The following LRRC4C variants were observed in gnomAD, a reference collection of about 807,000 sequenced individuals.
LRRC4C encodes leucine rich repeat containing 4C.
In LRRC4C, 5 loss-of-function variants were observed where a neutral mutation model predicts 33.6. The observed-to-expected ratio is 0.15, with a 90% CI of 0.08 to 0.31. LRRC4C has a LOEUF of 0.31. Among genes scored for constraint, LRRC4C ranks in the 10% least tolerant of loss-of-function variants. The probability of loss-of-function intolerance (pLI) is 1.00; values close to 1 mark genes in which losing one functional copy is unlikely to be tolerated. For synonymous variants in LRRC4C, 329 were observed against 302.0 expected (o/e 1.09, Z -0.93); for missense variants, 560 against 796.7 (o/e 0.70, Z 3.58).
At chr11:40,585,040 C>T (rs1444948653) in intron 3 of LRRC4C, among the ~76,000 whole-genome samples, 3 of 151,270 alleles carry the variant, frequency 2.0e-5, no homozygotes, top group East Asian at 1.9e-4. Context: ...GGTTCTAGAA[C>T]AGAGGAAATA....
At chr11:41,408,332 T>G in intron 1 of LRRC4C, among the ~76,000 whole-genome samples, 1 of 152,210 alleles carries the variant, frequency 6.6e-6, no homozygotes, top group African/African-American at 2.4e-5. Context: ...TTTATCCACT[T>G]AAAACTGGGA....
At chr11:40,583,869 G>A (rs1037409922) in intron 3 of LRRC4C, among the ~76,000 whole-genome samples, 1 of 151,706 alleles carries the variant, frequency 6.6e-6, no homozygotes, top group African/African-American at 2.4e-5. Flanking sequence ...CGCATAAAGA[G>A]AATGAAATGC....
At position 41,102,509 on chromosome 11, in the gene LRRC4C, C is replaced by A. The variant is rs183417317; in HGVS notation, c.-495-168786G>T. The stretch of plus-strand genomic sequence containing the variant: ...ATTCTCTCCAATAAAAACCACAGGA[C>A]CTTCTGGCTAAAATATTACTTTCAT... On this transcript the variant is annotated intron_variant, in intron 1 of 6. Transcript: ENST00000528697. 3.9e-3 allele frequency among the ~76,000 whole-genome samples: 599 copies of A among 152,068 alleles called. 2 individuals are homozygous for A. Among genetic ancestry groups the A allele is most frequent in the Non-Finnish European group, 6.1e-3 (415 of 67,938 alleles).
intron 1 of LRRC4C, among the ~76,000 whole-genome samples, chr11:40,996,981 C>T (rs1193467694): frequency 6.6e-6 from 1 of 152,062 alleles, no homozygotes; most frequent in African/African-American, 2.4e-5. Flanking sequence ...AATATCCAAA[C>T]TATATCACCC....
intron 1 of LRRC4C, among the ~76,000 whole-genome samples, chr11:40,962,552 A>C (rs1851049723): frequency 6.6e-6 from 1 of 151,786 alleles, no homozygotes; most frequent in Non-Finnish European, 1.5e-5. Context: ...GGATAAAATC[A>C]ATAAGGCTGC....
chr11:40,707,482 C>A (rs568410837), intron 2 of LRRC4C, among the ~76,000 whole-genome samples: 2 of 152,156 alleles, frequency 1.3e-5, no homozygotes, highest in South Asian at 2.1e-4. Flanking sequence ...TGGTTTTTGT[C>A]TTTGGTTTTG....
chr11:40,910,499 C>T (rs1329752600), intron 2 of LRRC4C, among the ~76,000 whole-genome samples: 2 of 152,118 alleles, frequency 1.3e-5, no homozygotes, highest in African/African-American at 2.4e-5. Context: ...AGCAAATACG[C>T]CTTTGATGAA....
At chr11:41,366,583 T>C (rs972779136) in intron 1 of LRRC4C, among the ~76,000 whole-genome samples, 1 of 152,164 alleles carries the variant, frequency 6.6e-6, no homozygotes, top group African/African-American at 2.4e-5. Context: ...ATAAGCTGAA[T>C]AGTGTTTCTC....
At chr11:41,185,526 G>A (rs572497800) in intron 1 of LRRC4C, among the ~76,000 whole-genome samples, 1 of 152,214 alleles carries the variant, frequency 6.6e-6, no homozygotes, top group African/African-American at 2.4e-5. Context: ...TATCAGGTCT[G>A]ACAAAAAATA....
intron 1 of LRRC4C, among the ~76,000 whole-genome samples, chr11:41,234,212 T>C (rs967934780): frequency 6.6e-6 from 1 of 152,024 alleles, no homozygotes; most frequent in Non-Finnish European, 1.5e-5. Context: ...AGAACTTTAA[T>C]TTTTAGAAAA....
intron 3 of LRRC4C, among the ~76,000 whole-genome samples, chr11:40,525,932 A>T (rs1956030143): frequency 6.6e-6 from 1 of 152,194 alleles, no homozygotes; most frequent in Non-Finnish European, 1.5e-5. Context: ...ACAGATTCAC[A>T]CATATGTTAT....
intron 3 of LRRC4C, among the ~76,000 whole-genome samples, chr11:40,510,807 C>T (rs9665833): frequency 0.34 from 51,485 of 151,564 alleles, 10,531 homozygotes; most frequent in East Asian, 0.66. Flanking sequence ...AGAGAGATGG[C>T]GAAATAGAAT....
intron 1 of LRRC4C, chr11:41,222,830 C>CAAAAAAAA (rs57071602): frequency 2.0e-5 from 1 of 49,248 alleles, no homozygotes; most frequent in Non-Finnish European, 4.0e-5. Context: ...TTTTTCCTCT[C>CAAAAAAAA]AAAAAAAAAA....
intron 1 of LRRC4C, among the ~76,000 whole-genome samples, chr11:41,230,012 T>C (rs190285595): frequency 1.4e-3 from 206 of 152,238 alleles, no homozygotes; most frequent in African/African-American, 4.7e-3. Flanking sequence ...GCTCTTTCTA[T>C]TTCATTATGC....
chr11:41,134,732 T>C (rs1943179664), intron 1 of LRRC4C, among the ~76,000 whole-genome samples: 1 of 152,118 alleles, frequency 6.6e-6, no homozygotes, highest in Non-Finnish European at 1.5e-5. Flanking sequence ...GTGACCTCAT[T>C]TTAACTTAAC....
At chr11:41,369,459 G>A (rs188740201) in intron 1 of LRRC4C, among the ~76,000 whole-genome samples, 1 of 151,886 alleles carries the variant, frequency 6.6e-6, no homozygotes, top group Non-Finnish European at 1.5e-5. Flanking sequence ...ATACCTGGGT[G>A]ATGAAACAAT....
At chr11:40,957,910 C>G (rs369469280) in intron 1 of LRRC4C, among the ~76,000 whole-genome samples, 124 of 151,802 alleles carry the variant, frequency 8.2e-4, no homozygotes, top group African/African-American at 3.0e-3. Context: ...GAACCTCCCC[C>G]CTTTCCAATT....
intron 1 of LRRC4C, among the ~76,000 whole-genome samples, chr11:41,332,146 T>A (rs1481095472): frequency 6.6e-6 from 1 of 152,172 alleles, no homozygotes; most frequent in Non-Finnish European, 1.5e-5. Context: ...TAAATATTTA[T>A]TGAATTGTAT....
At position 41,017,535 on chromosome 11, in the gene LRRC4C, G is replaced by A. The variant is rs190434493; in HGVS notation, c.-495-83812C>T. Among the ~76,000 whole-genome samples, 52 of 152,046 alleles carry A rather than the reference G, an allele frequency of 3.4e-4. No homozygotes were observed. The South Asian group carries it at 8.7e-3, about 25-fold the overall frequency. On this transcript the variant is annotated intron_variant, in intron 1 of 6. Transcript: ENST00000528697. ...CATTAATTGAACAATTGTTTAATCA[G>A]TGTCAATTACCAGGCATTGATCTAG...
Sources: allele counts gnomAD v4.1 joint callset (sites outside exome capture counted in the v4.1 genomes callset), GRCh38; gene constraint gnomAD v4.1.1; transcripts MANE v1.5; gene names NCBI Gene and HGNC (gene_info 2026-07-23, HGNC 2026-07-21).